The following ATP10B variants were observed in gnomAD, a reference collection of about 807,000 sequenced individuals.
ATP10B encodes the protein ATPase phospholipid transporting 10B (putative).
Under a neutral mutation model 141.2 loss-of-function variants are expected in ATP10B, and 122 were observed. The observed-to-expected ratio is 0.86, with a 90% CI of 0.75 to 1.00. The LOEUF (loss-of-function observed/expected upper bound fraction) is 1.00. Ranked by LOEUF, ATP10B falls within the 50% of genes least tolerant of loss-of-function variation. The pLI is 0.00. For synonymous variants in ATP10B, 685 were observed against 692.0 expected (o/e 0.99, Z 0.16); for missense variants, 1,876 against 1,825.3 (o/e 1.03, Z -0.51).
intron 6 of ATP10B, 145 bp downstream of exon 6, chr5:160,685,934 G>A (rs1332700114): frequency 1.2e-5 from 8 of 662,986 alleles, no homozygotes; most frequent in Non-Finnish European, 1.9e-5. Flanking sequence ...ATGCCCACTA[G>A]GGGTCGAAAT....
chr5:160,694,606 A>G (rs1368761331), intron 3 of ATP10B, among the ~76,000 whole-genome samples: 1 of 152,136 alleles, frequency 6.6e-6, no homozygotes, highest in Non-Finnish European at 1.5e-5. Context: ...CCTGGCTCAC[A>G]TTTCCAATTG....
chr5:160,618,563 G>A (rs1303606897), intron 15 of ATP10B, among the ~76,000 whole-genome samples: 1 of 152,186 alleles, frequency 6.6e-6, no homozygotes, highest in Non-Finnish European at 1.5e-5. Flanking sequence ...AATACGTTTA[G>A]AGAAAACATT....
At position 160,589,645 on chromosome 5, in the gene ATP10B, T is replaced by C; in HGVS notation, c.3697A>G (p.Thr1233Ala). ...AAAAGGATTGTGGTGAGGGAGATGG[T>C]GTTGATTGGTGTCCCAAAGGTAAAG... ...DVFTFGTPINTISLTTILLHQ... is the reference protein window; with the variant it reads ...DVFTFGTPINAISLTTILLHQ... The change falls in exon 24 of 26, where the codon ACC (threonine) becomes GCC (alanine). Residue 1233 changes from threonine to alanine, a missense_variant. By Grantham distance (58) the Thr-to-Ala change is moderately conservative (BLOSUM62 0). Transcript: ENST00000327245. 2.5e-6 allele frequency: 4 copies of C among 1,613,988 alleles called. No individual in the cohort carries two copies. Among genetic ancestry groups the C allele is most frequent in the Non-Finnish European group, 3.4e-6 (4 of 1,179,950 alleles).
the ATP10B span, among the ~76,000 whole-genome samples, chr5:160,896,042 A>C: frequency 6.6e-6 from 1 of 152,224 alleles, no homozygotes; most frequent in Non-Finnish European, 1.5e-5. Flanking sequence ...GACACAGCTA[A>C]AGCAGTGTGT....
intron 22 of ATP10B, among the ~76,000 whole-genome samples, chr5:160,596,992 C>T (rs1581174383): frequency 6.6e-6 from 1 of 152,104 alleles, no homozygotes; most frequent in East Asian, 1.9e-4. Context: ...AGATTCAATG[C>T]CATCCCCATC....
chr5:160,878,582 G>A, the ATP10B span, among the ~76,000 whole-genome samples: 114,248 of 150,754 alleles, frequency 0.76, 44,302 homozygotes, highest in East Asian at 0.97. Context: ...AGAAACTACC[G>A]TCAGAGCGAA....
At chr5:160,851,171 T>C (rs983376199) in intron 1 of ATP10B, among the ~76,000 whole-genome samples, 2 of 152,206 alleles carry the variant, frequency 1.3e-5, no homozygotes, top group African/African-American at 4.8e-5. Context: ...GAAAATTGCC[T>C]GGCAAATTCA....
intron 15 of ATP10B, 67 bp from the exon 16 acceptor site, chr5:160,618,040 C>G: frequency 8.4e-7 from 1 of 1,194,638 alleles, no homozygotes; most frequent in Non-Finnish European, 1.3e-6. Flanking sequence ...TCCCCAATAC[C>G]CTGGAATCTC....
chr5:160,903,219 A>C, the ATP10B span, among the ~76,000 whole-genome samples: 1 of 152,182 alleles, frequency 6.6e-6, no homozygotes, highest in Non-Finnish European at 1.5e-5. Context: ...GATCAGACCC[A>C]AGACTGGAAC....
intron 1 of ATP10B, among the ~76,000 whole-genome samples, chr5:160,804,188 C>T (rs753982752): frequency 3.3e-5 from 5 of 152,206 alleles, no homozygotes; most frequent in Non-Finnish European, 5.9e-5. Context: ...GTAGTCATCA[C>T]TTCCTTAGGA....
upstream of ATP10B, among the ~76,000 whole-genome samples, chr5:160,855,917 A>T (rs568507690): frequency 4.0e-5 from 6 of 151,048 alleles, no homozygotes; most frequent in Non-Finnish European, 8.9e-5. Context: ...GTGTGGATCT[A>T]TTTCTGGATT....
At chr5:160,621,017 G>A (rs1396618482) in intron 14 of ATP10B, 67 bp from the exon 15 acceptor site, 1 of 1,523,854 alleles carries the variant, frequency 6.6e-7, no homozygotes, top group African/African-American at 1.4e-5. Context: ...GTTGTCTTAT[G>A]CGGAATATGA....
Position 160,783,562 on chromosome 5 carries a change from T to TACACACAC in ATP10B, c.-331+1989_-331+1996dup, listed in dbSNP as rs57796332. 3.1e-3 allele frequency among the ~76,000 whole-genome samples: 407 copies of TACACACAC among 131,306 alleles called. 2 individuals carry two copies. Among genetic ancestry groups the TACACACAC allele is most frequent in the East Asian group, 0.024 (100 of 4,086 alleles). The allele number at this position is 131,306 out of a possible 152,430, so 86.1% of individuals were successfully genotyped here. On this transcript the variant is annotated intron_variant, in intron 2 of 25. Transcript: ENST00000327245. The stretch of plus-strand genomic sequence containing the variant: ...TGATATATATATCATATATATATGA[T>TACACACAC]ACACACACACACACACACACACACA...
intron 7 of ATP10B, among the ~76,000 whole-genome samples, chr5:160,650,226 A>G (rs1300161973): frequency 6.6e-6 from 1 of 151,848 alleles, no homozygotes; most frequent in Non-Finnish European, 1.5e-5. Flanking sequence ...ACATATACAC[A>G]CATATATATA....
chr5:160,725,577 C>CT (rs1436287446), intron 2 of ATP10B, among the ~76,000 whole-genome samples: 1 of 152,106 alleles, frequency 6.6e-6, no homozygotes, highest in Non-Finnish European at 1.5e-5. Flanking sequence ...TCGCAAGTAG[C>CT]TGGGACTACA....
intron 3 of ATP10B, among the ~76,000 whole-genome samples, chr5:160,696,947 G>T (rs113400257): frequency 6.6e-6 from 1 of 152,108 alleles, no homozygotes; most frequent in Admixed American, 6.5e-5. Flanking sequence ...TGATTTTACC[G>T]AAACCCATTT....
chr5:160,600,591 C>A (rs1043206850), intron 21 of ATP10B, among the ~76,000 whole-genome samples: 4 of 152,222 alleles, frequency 2.6e-5, no homozygotes, highest in African/African-American at 9.7e-5. Flanking sequence ...AATCTTAGCT[C>A]TATGCTAACA....
chr5:160,869,168 G>A, the ATP10B span, among the ~76,000 whole-genome samples: 2 of 152,104 alleles, frequency 1.3e-5, no homozygotes, highest in African/African-American at 2.4e-5. Flanking sequence ...TGACATATGT[G>A]TGTACACATA....
chr5:160,597,809 G>C (rs954814076), intron 22 of ATP10B, among the ~76,000 whole-genome samples: 5 of 152,106 alleles, frequency 3.3e-5, no homozygotes, highest in Non-Finnish European at 4.4e-5. Flanking sequence ...ACCATGACTG[G>C]CTATCAGAGA....
Sources: gnomAD v4.1 joint callset for allele counts (sites outside exome capture counted in the v4.1 genomes callset) on GRCh38, gnomAD v4.1.1 for gene constraint, MANE v1.5 for transcripts, NCBI Gene and HGNC (gene_info 2026-07-23, HGNC 2026-07-21) for gene names.